The following IFT52 variants were observed in gnomAD, a reference collection of about 807,000 sequenced individuals.
The protein encoded by IFT52 is intraflagellar transport protein 52 homolog.
Under a neutral mutation model 54.4 loss-of-function variants are expected in IFT52, and 44 were observed. The observed-to-expected ratio is 0.81, with a 90% CI of 0.63 to 1.04. The LOEUF (loss-of-function observed/expected upper bound fraction) is 1.04, where lower values mean the gene tolerates loss of function less well. Ranked by LOEUF, IFT52 falls within the 50% of genes least tolerant of loss-of-function variation. The pLI is 0.00. For synonymous variants in IFT52, 181 were observed against 185.3 expected, an observed-to-expected ratio of 0.98 and a Z score of 0.19; for missense variants, 452 against 523.6, an observed-to-expected ratio of 0.86 and a Z score of 1.33.
At chr20:43,637,328 T>C in intron 12 of IFT52, 75 bp downstream of exon 12, 2 of 719,202 alleles carry the variant, frequency 2.8e-6, no homozygotes, top group Non-Finnish European at 4.5e-6. Context: ...AATGGTGCGA[T>C]CTCGGCTCAC....
intron 6 of IFT52, among the ~76,000 whole-genome samples, chr20:43,613,086 G>A (rs1485242788): frequency 6.6e-6 from 1 of 152,224 alleles, no homozygotes; most frequent in East Asian, 1.9e-4. Context: ...ACAGTGGAGA[G>A]TAGAGGAGGG....
intron 7 of IFT52, among the ~76,000 whole-genome samples, chr20:43,616,264 T>C (rs1983849319): frequency 6.6e-6 from 1 of 152,134 alleles, no homozygotes; most frequent in Non-Finnish European, 1.5e-5. Context: ...CCCAGCACTT[T>C]GGGAGGTCAA....
chr20:43,629,597 A>T (rs1323340121), intron 10 of IFT52, among the ~76,000 whole-genome samples: 1 of 152,010 alleles, frequency 6.6e-6, no homozygotes, highest in East Asian at 1.9e-4. Context: ...CAGACATTGA[A>T]CCCCCACTTT....
intron 9 of IFT52, among the ~76,000 whole-genome samples, chr20:43,622,337 G>A (rs956692018): frequency 2.9e-4 from 44 of 152,034 alleles, no homozygotes; most frequent in African/African-American, 9.4e-4. Context: ...GGTGGCTCAC[G>A]CCTGTAATCC....
At chr20:43,635,857 G>A (rs1233659491) in intron 10 of IFT52, 69 bp from the exon 11 acceptor site, 6 of 1,362,088 alleles carry the variant, frequency 4.4e-6, no homozygotes. Flanking sequence ...GAACAACACA[G>A]TGTGGTCAGT....
intron 10 of IFT52, 51 bp from the exon 11 acceptor site, chr20:43,635,875 G>T (rs772268295): frequency 2.0e-6 from 3 of 1,517,098 alleles, no homozygotes; most frequent in Non-Finnish European, 2.7e-6. Flanking sequence ...AGTTAGACGT[G>T]CTGAGCTATA....
Position 43,594,569 on chromosome 20 carries a change from C to T in IFT52, c.-6-124C>T, listed in dbSNP as rs1056645390. On this transcript the variant is annotated intron_variant, in intron 1 of 13. Transcript: ENST00000373030. Reference sequence around the variant, plus strand: ...CAACCTTTGAGAATTGTAGGAGTTTCCTAGATAGGTTTCAGTTGTATACCC... The same window carrying T: ...CAACCTTTGAGAATTGTAGGAGTTTTCTAGATAGGTTTCAGTTGTATACCC... 20 of 621,494 alleles carry T rather than the reference C, an allele frequency of 3.2e-5. No homozygotes were observed. In the Admixed American group the frequency reaches 5.2e-4, roughly 16 times the overall value. 38.5% of individuals were successfully genotyped at this position (621,494 alleles called of 1,614,324 possible). A position where few individuals can be genotyped will look rare whatever the true frequency, so the allele number is the denominator to read the frequency against.
chr20:43,614,531 C>CT (rs111989807), intron 7 of IFT52, among the ~76,000 whole-genome samples: 1,698 of 146,858 alleles, frequency 0.012, 35 homozygotes, highest in African/African-American at 0.037. Context: ...TTTAAAATAA[C>CT]TTTTTTTTTT....
intron 7 of IFT52, among the ~76,000 whole-genome samples, chr20:43,614,378 G>T (rs542632237): frequency 1.3e-4 from 20 of 151,984 alleles, no homozygotes; most frequent in African/African-American, 4.6e-4. Flanking sequence ...AAGACTACAG[G>T]CACCTACCAC....
chr20:43,623,547 T>C (rs554527583), intron 9 of IFT52, among the ~76,000 whole-genome samples: 1 of 152,256 alleles, frequency 6.6e-6, no homozygotes, highest in African/African-American at 2.4e-5. Context: ...GGAAAGTGAG[T>C]AGACTACGGA....
At chr20:43,607,714 G>A (rs1256675676) in intron 6 of IFT52, among the ~76,000 whole-genome samples, 1 of 151,712 alleles carries the variant, frequency 6.6e-6, no homozygotes, top group Non-Finnish European at 1.5e-5. Flanking sequence ...GGGCGGCCAG[G>A]CAGAGACGCT....
chr20:43,593,020 G>A (rs1981655807), intron 1 of IFT52, among the ~76,000 whole-genome samples: 1 of 152,270 alleles, frequency 6.6e-6, no homozygotes, highest in East Asian at 1.9e-4. Flanking sequence ...GATTGCTTGA[G>A]CCTGGGAGGT....
chr20:43,606,738 C>T (rs1982915749), intron 6 of IFT52, among the ~76,000 whole-genome samples: 1 of 152,142 alleles, frequency 6.6e-6, no homozygotes, highest in Non-Finnish European at 1.5e-5. Context: ...CTGCAGCCTT[C>T]CGCAGTGTTT....
At chr20:43,605,328 C>T in intron 6 of IFT52, 1 of 799,834 alleles carries the variant, frequency 1.3e-6, no homozygotes, top group Non-Finnish European at 1.7e-6. Flanking sequence ...GGGTGGCCCA[C>T]CTGAGGTCAG....
At position 43,592,260 on chromosome 20, in the gene IFT52, C is replaced by T. The variant is rs572794746; in HGVS notation, c.-7+1206C>T. 3.3e-4 allele frequency among the ~76,000 whole-genome samples: 50 copies of T among 151,332 alleles called. 1 individual carries two copies. The highest frequency in any genetic ancestry group is 1.0e-3 in the African/African-American group (43 of 41,208). On this transcript the variant is annotated intron_variant, in intron 1 of 13. Transcript: ENST00000373030. ...AGGAGAATTGCTTGAACTTGGGAGG[C>T]GGAGGTTGCAGCGAGCCGAGATTGC...
chr20:43,635,009 A>T (rs936931746), intron 10 of IFT52, among the ~76,000 whole-genome samples: 1 of 151,970 alleles, frequency 6.6e-6, no homozygotes, highest in Non-Finnish European at 1.5e-5. Context: ...CTCTACTAAA[A>T]ATACAAAAAT....
At chr20:43,600,027 G>T (rs1982299976) in intron 3 of IFT52, among the ~76,000 whole-genome samples, 1 of 152,060 alleles carries the variant, frequency 6.6e-6, no homozygotes, top group Non-Finnish European at 1.5e-5. Context: ...ATTTATAAAA[G>T]AATATGTGTA....
intron 10 of IFT52, among the ~76,000 whole-genome samples, chr20:43,628,723 C>T (rs1025279723): frequency 5.9e-5 from 9 of 152,126 alleles, no homozygotes; most frequent in East Asian, 1.9e-4. Flanking sequence ...TGGTGGTGCG[C>T]GCCTGTAGTC....
chr20:43,640,034 C>A (rs561278185), intron 12 of IFT52, among the ~76,000 whole-genome samples: 4 of 151,504 alleles, frequency 2.6e-5, no homozygotes, highest in African/African-American at 7.3e-5. Context: ...CATGGTGGCT[C>A]ACTCCTGTAG....
Sources: allele counts gnomAD v4.1 joint callset (sites outside exome capture counted in the v4.1 genomes callset), GRCh38; gene constraint gnomAD v4.1.1; transcripts MANE v1.5; gene names NCBI Gene and HGNC (gene_info 2026-07-23, HGNC 2026-07-21).